Variants in LRRC43 observed in about 807,000 individuals in gnomAD.
LRRC43 encodes leucine-rich repeat-containing protein 43.
LRRC43 carries 62 observed loss-of-function variants against 64.3 expected under a neutral mutation model. The observed-to-expected ratio is 0.96, with a 90% CI of 0.79 to 1.19. The LOEUF (loss-of-function observed/expected upper bound fraction) is 1.19. LRRC43 is among the 50% of genes most tolerant of loss of function. The pLI is 0.00. For missense variants in LRRC43, 868 were observed against 845.0 expected (o/e 1.03, Z -0.34); for synonymous variants, 422 against 382.3 (o/e 1.10, Z -1.21).
chr12:122,175,878 G>GC (rs748404920), intron 1 of LRRC43, among the ~76,000 whole-genome samples: 3 of 152,094 alleles, frequency 2.0e-5, no homozygotes, highest in Non-Finnish European at 4.4e-5. Flanking sequence ...TGTTGGCCAG[G>GC]CTGGCCTCTA....
chr12:122,200,941 C>G lies in LRRC43; in HGVS notation c.1809+7C>G. 6.3e-7 allele frequency: 1 copy of G among 1,584,580 alleles called. No homozygotes were observed. ...CAGGCTGACGTTGGCCAGGGTACAG[C>G]CGGGCCCTAGCCACATCCTCCACCT... is the stretch of plus-strand genomic sequence containing the variant. On this transcript the variant is annotated splice_region_variant and intron_variant, in intron 10 of 11. Transcript: ENST00000339777. This position sits in a 1 kb window ranked among gnomAD's most constrained non-coding sequence, Gnocchi z 4.6.
chr12:122,169,543 G>A (rs1340518188), intron 1 of LRRC43, among the ~76,000 whole-genome samples: 8 of 151,754 alleles, frequency 5.3e-5, no homozygotes, highest in African/African-American at 1.9e-4. Context: ...GTGAAACCCC[G>A]TCTCTACTAA....
chr12:122,192,768 A>G lies in LRRC43; in HGVS notation c.1113A>G (p.Leu371=), dbSNP rs565269399. The change falls in exon 7 of 12, where the codon TTA becomes TTG. Residue 371 remains leucine, a synonymous_variant. Coordinates refer to ENST00000339777, the MANE Select transcript of LRRC43 (RefSeq NM_001098519.2). ...AGATCGTCAAGCCCTCTCCCAGCTT[A>G]GAATTATTAGTTGAGGAATCTCCTG... ...LAEIVKPSPS[L]ELLVEESPEE... The G allele has an allele frequency of 6.2e-7, 1 of 1,613,998 alleles. No homozygotes were observed. The highest frequency in any genetic ancestry group is 1.3e-5 in the African/African-American group (1 of 75,034).
intron 1 of LRRC43, among the ~76,000 whole-genome samples, chr12:122,170,004 G>A (rs925684638): frequency 2.6e-5 from 4 of 151,804 alleles, no homozygotes; most frequent in Non-Finnish European, 4.4e-5. Context: ...ATGGGATTTC[G>A]CCATGTTGCC....
chr12:122,197,839 C>T (rs141083144), intron 7 of LRRC43, among the ~76,000 whole-genome samples: 9 of 152,034 alleles, frequency 5.9e-5, no homozygotes, highest in East Asian at 5.8e-4. Flanking sequence ...CTCACTTCTC[C>T]GGTAGATTGT....
rs925565498 is a variant in LRRC43 at position 122,184,155 on chromosome 12, C to T, written c.151-364C>T. ...TGTCACCCAGCCTGGAGTGCAGTGG[C>T]GTGATCTCGGCTCACTGCAACCTCC... On this transcript the variant is annotated intron_variant, in intron 1 of 11. Coordinates refer to ENST00000339777, the MANE Select transcript of LRRC43 (RefSeq NM_001098519.2). The surrounding 1 kb of genome is among the most constrained non-coding windows in gnomAD (Gnocchi z 4.0). 1.3e-5 allele frequency among the ~76,000 whole-genome samples: 2 copies of T among 149,196 alleles called. No homozygotes were observed. The highest frequency in any genetic ancestry group is 6.7e-5 in the Admixed American group (1 of 14,908).
chr12:122,171,740 T>G (rs943639938), intron 1 of LRRC43, among the ~76,000 whole-genome samples: 4 of 150,968 alleles, frequency 2.6e-5, no homozygotes, highest in Admixed American at 2.0e-4. Context: ...TTTCTCTTTC[T>G]TTTTTTTAAA....
intron 7 of LRRC43, among the ~76,000 whole-genome samples, chr12:122,198,392 C>T (rs1355647061): frequency 6.6e-6 from 1 of 152,084 alleles, no homozygotes; most frequent in South Asian, 2.1e-4. Flanking sequence ...AATTCCAGAA[C>T]GTTTCCATCA....
At chr12:122,197,227 C>T (rs1593153489) in intron 7 of LRRC43, among the ~76,000 whole-genome samples, 1 of 152,196 alleles carries the variant, frequency 6.6e-6, no homozygotes, top group Admixed American at 6.5e-5. Context: ...GTGGTGTGAT[C>T]TTGGCTCACT....
intron 4 of LRRC43, among the ~76,000 whole-genome samples, chr12:122,188,929 C>T (rs1953679595): frequency 6.6e-6 from 1 of 152,162 alleles, no homozygotes. Flanking sequence ...CAGTTTTTGT[C>T]TGAGCCTGAT....
At position 122,192,722 on chromosome 12, in the gene LRRC43, C is replaced by T. The variant is rs746120245; in HGVS notation, c.1090-23C>T. The T allele has an allele frequency of 3.7e-6, 6 of 1,608,286 alleles. No homozygotes were observed. The African/African-American group carries it at 5.3e-5, about 14-fold the overall frequency. On this transcript the variant is annotated intron_variant, in intron 6 of 11. Coordinates refer to ENST00000339777, the MANE Select transcript of LRRC43 (RefSeq NM_001098519.2). ...ACATCCTGAAGACGGCAGCCTTGGACGAGTTTCTGTCTCTTCCTGCAGATC... is the reference window on the plus strand; with the variant it reads ...ACATCCTGAAGACGGCAGCCTTGGATGAGTTTCTGTCTCTTCCTGCAGATC...
Position 122,200,467 on chromosome 12 carries a change from G to A in LRRC43, c.1492-65G>A. The A allele has an allele frequency of 6.2e-7, 1 of 1,611,746 alleles. No homozygotes were observed. The highest frequency in any genetic ancestry group is 1.1e-5 in the South Asian group (1 of 90,734). Reference sequence around the variant, plus strand: ...TCAGCGCCATTCCAGAAAGGGTGAGGGAGAGGTGACCCCAGGCAGCCCGCC... The same window carrying A: ...TCAGCGCCATTCCAGAAAGGGTGAGAGAGAGGTGACCCCAGGCAGCCCGCC... On this transcript the variant is annotated intron_variant, in intron 8 of 11. Coordinates refer to ENST00000339777, the MANE Select transcript of LRRC43 (RefSeq NM_001098519.2). The surrounding 1 kb of genome is among the most constrained non-coding windows in gnomAD (Gnocchi z 4.6).
upstream of LRRC43, among the ~76,000 whole-genome samples, chr12:122,180,281 G>A (rs1953571203): frequency 6.6e-6 from 1 of 152,152 alleles, no homozygotes; most frequent in Non-Finnish European, 1.5e-5. Context: ...CACTTTGGGA[G>A]GCCAAGGCAG....
intron 11 of LRRC43, 67 bp downstream of exon 11, chr12:122,201,396 G>A (rs1953837400): frequency 8.6e-6 from 13 of 1,506,038 alleles, no homozygotes; most frequent in Non-Finnish European, 1.1e-5. Flanking sequence ...CCAGCCCTGG[G>A]GGAGGCCAAA....
In LRRC43 at chr12:122,184,499, T is replaced by A. The variant is rs1953617436; in HGVS notation, c.151-20T>A. On this transcript the variant is annotated intron_variant, in intron 1 of 11. Coordinates refer to ENST00000339777, the MANE Select transcript of LRRC43 (RefSeq NM_001098519.2). This position sits in a 1 kb window ranked among gnomAD's most constrained non-coding sequence, Gnocchi z 4.0. ...GGGGCTGTGTCACACCTACAGAAAA[T>A]CCCTCCTCTGCCACTGCAGAATAAG... The A allele has an allele frequency of 6.2e-7, 1 of 1,610,100 alleles. No homozygotes were observed. The highest frequency in any genetic ancestry group is 8.5e-7 in the Non-Finnish European group (1 of 1,178,038).
In LRRC43 at chr12:122,192,731, G is replaced by C. The variant is rs200531837; in HGVS notation, c.1090-14G>C. On this transcript the variant is annotated splice_polypyrimidine_tract_variant and intron_variant, in intron 6 of 11. Transcript: ENST00000339777. ...AGACGGCAGCCTTGGACGAGTTTCT[G>C]TCTCTTCCTGCAGATCGTCAAGCCC... The C allele has an allele frequency of 3.2e-5, 52 of 1,610,098 alleles. No homozygotes were observed. Among genetic ancestry groups the C allele is most frequent in the Admixed American group, 6.7e-5 (4 of 59,952 alleles).
upstream of LRRC43, chr12:122,183,070 C>T (rs566370534): frequency 6.7e-7 from 1 of 1,488,756 alleles, no homozygotes; most frequent in African/African-American, 1.5e-5. Flanking sequence ...TCCCTCGGGG[C>T]AGGTGAGAGC....
intron 1 of LRRC43, among the ~76,000 whole-genome samples, chr12:122,169,679 G>A (rs1220047378): frequency 7.7e-6 from 1 of 129,732 alleles, no homozygotes; most frequent in African/African-American, 3.0e-5. Flanking sequence ...TCGTGCCACT[G>A]CACTCCAGCC....
chr12:122,180,723 A>G (rs1193964656), upstream of LRRC43, among the ~76,000 whole-genome samples: 1 of 151,946 alleles, frequency 6.6e-6, no homozygotes, highest in Non-Finnish European at 1.5e-5. Context: ...CTCCTAACCA[A>G]TGGCTGATTT....
Sources: allele counts gnomAD v4.1 joint callset (sites outside exome capture counted in the v4.1 genomes callset), GRCh38; gene constraint gnomAD v4.1.1; non-coding constraint Gnocchi (gnomAD v3.1); transcripts MANE v1.5; gene names NCBI Gene and HGNC (gene_info 2026-07-23, HGNC 2026-07-21).